VAV2: variants seen among roughly 807,000 people sequenced by gnomAD.
VAV2 encodes vav guanine nucleotide exchange factor 2.
Under a neutral mutation model 132.5 loss-of-function variants are expected in VAV2, and 67 were observed. The observed-to-expected ratio is 0.51, with a 90% confidence interval of 0.42 to 0.62. VAV2 has a LOEUF of 0.62. Ranked by LOEUF, VAV2 falls within the 20% of genes least tolerant of loss-of-function variation. The pLI, the probability that VAV2 is intolerant of heterozygous loss-of-function variation, is 0.00. For synonymous variants in VAV2, 492 were observed against 443.5 expected (o/e 1.11, Z -1.37); for missense variants, 938 against 1,153.6 (o/e 0.81, Z 2.71).
intron 2 of VAV2, among the ~76,000 whole-genome samples, chr9:133,862,652 C>T (rs1424647434): frequency 6.6e-6 from 1 of 152,228 alleles, no homozygotes; most frequent in Non-Finnish European, 1.5e-5. Flanking sequence ...TTCATAGACA[C>T]CCTCCACTGG....
chr9:133,868,570 G>A (rs2131890927), intron 2 of VAV2, among the ~76,000 whole-genome samples: 1 of 152,350 alleles, frequency 6.6e-6, no homozygotes, highest in Non-Finnish European at 1.5e-5. Flanking sequence ...GGTCCACGGA[G>A]GGACTCATGG....
At chr9:133,900,844 G>C (rs983883979) in intron 2 of VAV2, among the ~76,000 whole-genome samples, 34 of 150,832 alleles carry the variant, frequency 2.3e-4, no homozygotes, top group African/African-American at 7.3e-4. Context: ...TGTCGCCCAG[G>C]CTAGAGTGCA....
intron 9 of VAV2, among the ~76,000 whole-genome samples, chr9:133,799,372 G>A (rs534916043): frequency 1.4e-4 from 21 of 152,276 alleles, no homozygotes; most frequent in Admixed American, 7.2e-4. Flanking sequence ...TCCTCAGGCC[G>A]CCCGAGAATC....
intron 13 of VAV2, among the ~76,000 whole-genome samples, chr9:133,790,238 G>A (rs1588177068): frequency 1.3e-5 from 2 of 152,278 alleles, no homozygotes; most frequent in Admixed American, 6.5e-5. Context: ...GTGCAGTGGC[G>A]CAATCGTGGC....
rs766785102 is a variant in VAV2, at chr9:133,939,057, G to A, written c.321+46C>T. On this transcript the variant is annotated intron_variant, in intron 2 of 29. Coordinates refer to ENST00000371850, the MANE Select transcript of VAV2 (RefSeq NM_001134398.2). ...CCACCTGCCGCTGAGCCGGCAAATC[G>A]GCCACCACAGCTGAGCGACCGAGGC... 1.6e-5 allele frequency: 25 copies of A among 1,573,070 alleles called. No individual in the cohort carries two copies. In the South Asian group the frequency reaches 2.2e-4, roughly 14 times the overall value.
intron 29 of VAV2, among the ~76,000 whole-genome samples, chr9:133,766,054 TA>T: frequency 6.6e-6 from 1 of 152,320 alleles, no homozygotes; most frequent in Middle Eastern, 3.4e-3. Context: ...AGATATGCTT[TA>T]AAAAATATGA....
intron 7 of VAV2, among the ~76,000 whole-genome samples, chr9:133,807,721 C>CA (rs1835206530): frequency 6.6e-6 from 1 of 152,334 alleles, no homozygotes; most frequent in East Asian, 1.9e-4. Context: ...ACCCAGCACT[C>CA]AAACACTGAG....
In VAV2 at chr9:133,883,743, G is replaced by A. The variant is rs893783998; in HGVS notation, c.322-22311C>T. On this transcript the variant is annotated intron_variant, in intron 2 of 29. Coordinates refer to ENST00000371850, the MANE Select transcript of VAV2 (RefSeq NM_001134398.2). This position sits in a 1 kb window ranked among gnomAD's most constrained non-coding sequence, Gnocchi z 4.2. ...CAGGGAGCTCACTACCCAAGGTGGC[G>A]GACGAGAAGCCCTCCCGGGATCCAG... Among the ~76,000 whole-genome samples the A allele has an allele frequency of 3.3e-5, 5 of 152,168 alleles. No individual in the cohort carries two copies. Among genetic ancestry groups the A allele is most frequent in the African/African-American group, 9.7e-5 (4 of 41,436 alleles).
At position 133,928,202 on chromosome 9, in the gene VAV2, T is replaced by TATGTCTGTGTGTGTGC. The variant is rs1840549660; in HGVS notation, c.321+10885_321+10900dup. Among the ~76,000 whole-genome samples, 2 of 152,086 alleles carry TATGTCTGTGTGTGTGC rather than the reference T, an allele frequency of 1.3e-5. No homozygotes were observed. The highest frequency in any genetic ancestry group is 1.3e-4 in the Admixed American group (2 of 15,266). On this transcript the variant is annotated intron_variant, in intron 2 of 29. Transcript: ENST00000371850. The surrounding 1 kb of genome is among the most constrained non-coding windows in gnomAD (Gnocchi z 5.4). ...GTGTGTGTGTGTGCGTGCATGTGTG[T>TATGTCTGTGTGTGTGC]ATGTCTGTGTGTGTGCGTGCATGTG... is the stretch of plus-strand genomic sequence containing the variant.
chr9:133,925,629 C>G (rs1390055890), intron 2 of VAV2, among the ~76,000 whole-genome samples: 4 of 152,160 alleles, frequency 2.6e-5, no homozygotes. Flanking sequence ...ACTGCCCTTG[C>G]TGCTGGGGAT....
chr9:133,937,178 G>C (rs1030985886), intron 2 of VAV2, among the ~76,000 whole-genome samples: 6 of 152,190 alleles, frequency 3.9e-5, no homozygotes, highest in Non-Finnish European at 8.8e-5. Flanking sequence ...GAGTGTCTAA[G>C]TATGTGTGTA....
At chr9:133,792,051 A>G (rs1834491415) in intron 12 of VAV2, among the ~76,000 whole-genome samples, 182 bp from the exon 13 acceptor site, 1 of 122,944 alleles carries the variant, frequency 8.1e-6, no homozygotes. Flanking sequence ...AGCATGTGTG[A>G]GCGGACTGTG....
intron 2 of VAV2, among the ~76,000 whole-genome samples, chr9:133,906,536 T>C (rs1362551962): frequency 6.6e-6 from 1 of 152,160 alleles, no homozygotes; most frequent in African/African-American, 2.4e-5. Context: ...TGGGAGCCAC[T>C]GGGCCCGATC....
intron 3 of VAV2, among the ~76,000 whole-genome samples, chr9:133,850,709 T>A (rs1837133456): frequency 6.6e-6 from 1 of 152,200 alleles, no homozygotes; most frequent in Non-Finnish European, 1.5e-5. Context: ...TGGGGTCACC[T>A]GGAGACACCT....
At position 133,788,083 on chromosome 9, in the gene VAV2, G is replaced by A. The variant is rs908614097; in HGVS notation, c.1407+271C>T. On this transcript the variant is annotated intron_variant, in intron 15 of 29. Transcript: ENST00000371850. The surrounding 1 kb of genome is among the most constrained non-coding windows in gnomAD (Gnocchi z 5.3). ...GTGGCCTCTCCCCTCTGCCTCAGTC[G>A]CCTCACTGGGGAGTGGGATTCTGGT... Among the ~76,000 whole-genome samples, 1 of 152,216 alleles carries A rather than the reference G, an allele frequency of 6.6e-6. No homozygotes were observed. The highest frequency in any genetic ancestry group is 2.4e-5 in the African/African-American group (1 of 41,462).
In VAV2 at chr9:133,785,875, C is replaced by T. The variant is rs764213656; in HGVS notation, c.1433G>A (p.Gly478Asp). 1 of 1,613,356 alleles carries T rather than the reference C, an allele frequency of 6.2e-7. No individual in the cohort carries two copies. Among genetic ancestry groups the T allele is most frequent in the Non-Finnish European group, 8.5e-7 (1 of 1,179,722 alleles). Reference sequence around the variant, plus strand: ...TCCTTGAAGGTGAATTAGGTAGAAGCCGTAGGACCACTGCAGGGGGGAGAG... The same window carrying T: ...TCCTTGAAGGTGAATTAGGTAGAAGTCGTAGGACCACTGCAGGGGGGAGAG... ...KKSHGKMWSY[G>D]FYLIHLQGKQ... Residue 478 changes from glycine (G) to aspartate (D), a missense_variant, in exon 17 of 30, where the codon GGC becomes GAC. Gly to Asp is a moderately conservative substitution (Grantham distance 94). Coordinates refer to ENST00000371850, the MANE Select transcript of VAV2 (RefSeq NM_001134398.2).
chr9:133,897,625 C>G lies in VAV2; in HGVS notation c.322-36193G>C, dbSNP rs148703363. 6.9e-3 allele frequency among the ~76,000 whole-genome samples: 1,055 copies of G among 152,154 alleles called. 22 individuals are homozygous for G. Among genetic ancestry groups the G allele is most frequent in the African/African-American group, 0.024 (991 of 41,404 alleles). The stretch of plus-strand genomic sequence containing the variant: ...CCACCTCCGCAGCAACACAGGCCCC[C>G]CTCTGGGTGGCCAAAAGGTGTGGCT... On this transcript the variant is annotated intron_variant, in intron 2 of 29. Transcript: ENST00000371850.
At chr9:133,806,815 C>T (rs547944963) in intron 8 of VAV2, among the ~76,000 whole-genome samples, 13 of 152,352 alleles carry the variant, frequency 8.5e-5, no homozygotes, top group African/African-American at 2.6e-4. Context: ...CACCCATGCA[C>T]GGCTGCCGGA....
At chr9:133,950,636 G>A (rs537755215) in intron 1 of VAV2, among the ~76,000 whole-genome samples, 20 of 152,206 alleles carry the variant, frequency 1.3e-4, no homozygotes, top group East Asian at 7.7e-4. Flanking sequence ...TCCCTGAGCC[G>A]GCTTCCGAGT....
Sources: gnomAD v4.1 joint callset for allele counts (sites outside exome capture counted in the v4.1 genomes callset) on GRCh38, gnomAD v4.1.1 for gene constraint, Gnocchi (gnomAD v3.1) non-coding constraint, MANE v1.5 for transcripts, NCBI Gene and HGNC (gene_info 2026-07-23, HGNC 2026-07-21) for gene names.